Variants in XRCC5 observed in about 807,000 individuals in gnomAD.
The protein encoded by XRCC5 is DNA repair protein Ku80.
A neutral mutation model predicts 95.7 loss-of-function variants in XRCC5; 12 were observed. The ratio of observed to expected loss-of-function variants is 0.13; its 90% CI spans 0.08 to 0.20. XRCC5 has a LOEUF of 0.20. Among genes scored for constraint, XRCC5 ranks in the 10% least tolerant of loss-of-function variants. The probability of loss-of-function intolerance (pLI) is 1.00; values close to 1 mark genes in which losing one functional copy is unlikely to be tolerated. For synonymous variants in XRCC5, 281 were observed against 290.3 expected, an observed-to-expected ratio of 0.97 and a Z score of 0.33; for missense variants, 595 against 873.9, an observed-to-expected ratio of 0.68 and a Z score of 4.02.
At chr2:216,186,309 TGTA>T (rs1455116079) in intron 16 of XRCC5, among the ~76,000 whole-genome samples, 15 of 152,200 alleles carry the variant, frequency 9.9e-5, no homozygotes, top group South Asian at 4.1e-4. Flanking sequence ...AGAGGGGAGG[TGTA>T]GTCCATTTTA....
At chr2:216,118,374 C>G (rs1696741298) in intron 4 of XRCC5, among the ~76,000 whole-genome samples, 1 of 152,114 alleles carries the variant, frequency 6.6e-6, no homozygotes, top group Admixed American at 6.5e-5. Flanking sequence ...GAGACGGTCT[C>G]ACTATTTTGC....
chr2:216,139,682 ATTGT>A (rs772127908), intron 12 of XRCC5, among the ~76,000 whole-genome samples: 17 of 152,246 alleles, frequency 1.1e-4, no homozygotes, highest in Middle Eastern at 3.4e-3. Flanking sequence ...CATTTTTAAA[ATTGT>A]TTGTAGAGAT....
At chr2:216,119,558 CTG>C (rs1251268097) in intron 5 of XRCC5, among the ~76,000 whole-genome samples, 1 of 152,128 alleles carries the variant, frequency 6.6e-6, no homozygotes, top group East Asian at 1.9e-4. Context: ...CTCTAGAGAA[CTG>C]TGTCCTATAC....
rs1051677 is a variant in XRCC5, at chr2:216,205,525, T to C, written c.*323T>C. 41,214 of 335,004 alleles carry C rather than the reference T, an allele frequency of 0.12. 3,088 individuals are homozygous for C. Among genetic ancestry groups the C allele is most frequent in the South Asian group, 0.27 (7,031 of 26,008 alleles). The allele number at this position is 335,004 out of a possible 1,614,324, so 20.8% of individuals were successfully genotyped here. ...GAAAGTAGATCTTTTCTTGACCTAG[T>C]ATATCAGTGACAGTTGCAGCCCTTG... On this transcript the variant is annotated 3_prime_UTR_variant, in exon 21 of 21. Transcript: ENST00000392132.
At chr2:216,201,782 T>G (rs1689837729) in intron 19 of XRCC5, among the ~76,000 whole-genome samples, 1 of 152,238 alleles carries the variant, frequency 6.6e-6, no homozygotes, top group African/African-American at 2.4e-5. Context: ...TTGAGTTCTC[T>G]GCTCTATCTT....
intron 16 of XRCC5, among the ~76,000 whole-genome samples, chr2:216,176,730 C>T (rs1405064068): frequency 6.6e-6 from 1 of 151,986 alleles, no homozygotes; most frequent in Non-Finnish European, 1.5e-5. Flanking sequence ...CTTTATTATT[C>T]CATTCCTTCT....
intron 15 of XRCC5, among the ~76,000 whole-genome samples, chr2:216,160,942 C>T (rs1688940785): frequency 6.6e-6 from 1 of 152,080 alleles, no homozygotes; most frequent in Non-Finnish European, 1.5e-5. Flanking sequence ...AATCCTCCCG[C>T]TTCAGCCTCC....
At position 216,163,125 on chromosome 2, in the gene XRCC5, G is replaced by C. The variant is rs117324504; in HGVS notation, c.1834+1077G>C. ...ACTTTCTCTTCCAACATCCTGCAGG[G>C]AGCAGGGGAATCACTTTTTTTTTTT... On this transcript the variant is annotated intron_variant, in intron 16 of 20. Coordinates refer to ENST00000392132, the MANE Select transcript of XRCC5 (RefSeq NM_021141.4). 1.5e-4 allele frequency among the ~76,000 whole-genome samples: 21 copies of C among 139,324 alleles called. No homozygotes were observed. The East Asian group carries it at 4.0e-3, about 26-fold the overall frequency. The allele number at this position is 139,324 out of a possible 152,430, so 91.4% of individuals were successfully genotyped here. A position where few individuals can be genotyped will look rare whatever the true frequency, so the allele number is the denominator to read the frequency against.
chr2:216,183,941 A>G (rs1361091915), intron 16 of XRCC5, among the ~76,000 whole-genome samples: 1 of 152,194 alleles, frequency 6.6e-6, no homozygotes, highest in African/African-American at 2.4e-5. Flanking sequence ...GCAACTAGAA[A>G]ACAAGAATAC....
At chr2:216,137,262 A>G (rs1559243846) in intron 11 of XRCC5, 37 bp downstream of exon 11, 1 of 1,595,864 alleles carries the variant, frequency 6.3e-7, no homozygotes, top group Admixed American at 1.8e-5. Flanking sequence ...TTTTTTCTTC[A>G]GTTCCTTTAT....
chr2:216,163,587 C>A (rs1688995464), intron 16 of XRCC5, among the ~76,000 whole-genome samples: 1 of 152,106 alleles, frequency 6.6e-6, no homozygotes, highest in South Asian at 2.1e-4. Context: ...GTGGCATGAG[C>A]CACCGTGCCC....
intron 16 of XRCC5, among the ~76,000 whole-genome samples, chr2:216,189,850 A>G (rs548000424): frequency 6.6e-6 from 1 of 152,316 alleles, no homozygotes; most frequent in Non-Finnish European, 1.5e-5. Flanking sequence ...TGTGAATACA[A>G]TAGGAAAGGC....
rs551025084 is a variant in XRCC5, at chr2:216,173,317, T to A, written c.1834+11269T>A. Among the ~76,000 whole-genome samples the A allele has an allele frequency of 2.6e-5, 4 of 152,290 alleles. No homozygotes were observed. The South Asian group carries it at 8.3e-4, about 32-fold the overall frequency. On this transcript the variant is annotated intron_variant, in intron 16 of 20. Transcript: ENST00000392132. Reference sequence around the variant, plus strand: ...CTGTTCCTGATCTTAAGGAAAAACCTTTGTCTTTCACTATTAGTATGATGT... The same window carrying A: ...CTGTTCCTGATCTTAAGGAAAAACCATTGTCTTTCACTATTAGTATGATGT...
intron 9 of XRCC5, 23 bp from the exon 10 acceptor site, chr2:216,132,302 G>A: frequency 6.2e-7 from 1 of 1,611,562 alleles, no homozygotes; most frequent in Non-Finnish European, 8.5e-7. Context: ...TGGATCAAAA[G>A]CAATTCTTTT....
chr2:216,203,388 G>A (rs747077265), intron 19 of XRCC5, among the ~76,000 whole-genome samples: 23 of 152,158 alleles, frequency 1.5e-4, no homozygotes, highest in Admixed American at 3.3e-4. Flanking sequence ...CTCGTGTTAG[G>A]ATAGATAGGC....
chr2:216,117,225 T>G (rs1696713868), intron 3 of XRCC5: 1 of 189,260 alleles, frequency 5.3e-6, no homozygotes, highest in Admixed American at 5.4e-5. Context: ...TTCTCTCCTT[T>G]TTTTCTGGAT....
At chr2:216,190,465 C>A in intron 17 of XRCC5, 131 bp downstream of exon 17, 1 of 646,612 alleles carries the variant, frequency 1.5e-6, no homozygotes. Flanking sequence ...GCAGTGTATG[C>A]CAGTGGAGCT....
At chr2:216,136,297 G>T (rs1001139062) in intron 10 of XRCC5, among the ~76,000 whole-genome samples, 2 of 150,906 alleles carry the variant, frequency 1.3e-5, no homozygotes, top group African/African-American at 4.9e-5. Context: ...TGGAGGTTGC[G>T]GTGAGCTGAG....
chr2:216,174,721 GT>G (rs2106035789), intron 16 of XRCC5, among the ~76,000 whole-genome samples: 1 of 152,272 alleles, frequency 6.6e-6, no homozygotes, highest in South Asian at 2.1e-4. Context: ...CACAAGAAGG[GT>G]TTTCTGTTTA....
Sources: allele counts gnomAD v4.1 joint callset (sites outside exome capture counted in the v4.1 genomes callset), GRCh38; gene constraint gnomAD v4.1.1; transcripts MANE v1.5; gene names NCBI Gene and HGNC (gene_info 2026-07-23, HGNC 2026-07-21).